Variants in IGSF21 observed in about 807,000 individuals in gnomAD.
IGSF21 encodes the protein immunoglobin superfamily member 21.
In IGSF21, 28 loss-of-function variants were observed where a neutral mutation model predicts 46.8. That is an observed-to-expected ratio of 0.60 (90% CI 0.44 to 0.82). The LOEUF is 0.82. IGSF21 is among the 40% of genes least tolerant of loss of function. The pLI is 0.00. For missense variants in IGSF21, 624 were observed against 665.5 expected (o/e 0.94, Z 0.69); for synonymous variants, 284 against 273.6 (o/e 1.04, Z -0.38).
intron 1 of IGSF21, among the ~76,000 whole-genome samples, chr1:18,180,521 G>A: frequency 6.6e-6 from 1 of 152,208 alleles, no homozygotes; most frequent in East Asian, 1.9e-4. Context: ...ATAAAACAAA[G>A]TGTAGACAGG....
At chr1:18,261,795 G>A (rs540120892) in intron 2 of IGSF21, among the ~76,000 whole-genome samples, 2 of 152,300 alleles carry the variant, frequency 1.3e-5, no homozygotes, top group East Asian at 3.9e-4. Context: ...CCTAGGCAGG[G>A]TTTCCCCTGA....
chr1:18,173,242 C>G (rs537377543), intron 1 of IGSF21, among the ~76,000 whole-genome samples: 17 of 152,228 alleles, frequency 1.1e-4, no homozygotes, highest in African/African-American at 3.9e-4. Flanking sequence ...GAGCTGAGAT[C>G]ACACCACTGC....
intron 2 of IGSF21, among the ~76,000 whole-genome samples, chr1:18,287,054 A>G (rs530443743): frequency 6.7e-6 from 1 of 150,028 alleles, no homozygotes; most frequent in African/African-American, 2.4e-5. Context: ...AGTGGCGGGC[A>G]CCTGTAGTCC....
At chr1:18,232,586 C>G (rs1183871243) in intron 2 of IGSF21, among the ~76,000 whole-genome samples, 1 of 152,148 alleles carries the variant, frequency 6.6e-6, no homozygotes, top group Non-Finnish European at 1.5e-5. Context: ...TGTTGCCTTC[C>G]CTGACTTCTC....
Position 18,185,030 on chromosome 1 carries a change from G to A in IGSF21, c.71-42868G>A, listed in dbSNP as rs144283912. On this transcript the variant is annotated intron_variant, in intron 1 of 9. Coordinates refer to ENST00000251296, the MANE Select transcript of IGSF21 (RefSeq NM_032880.5). Reference sequence around the variant, plus strand: ...GCTTCAAGTAGTATTTGGCACAATAGTATTTGGTCTTGATGAATGTTGGTT... The same window carrying A: ...GCTTCAAGTAGTATTTGGCACAATAATATTTGGTCTTGATGAATGTTGGTT... Among the ~76,000 whole-genome samples the A allele has an allele frequency of 1.1e-4, 16 of 152,336 alleles. No individual in the cohort carries two copies. The East Asian group carries it at 3.1e-3, about 29-fold the overall frequency.
intron 1 of IGSF21, among the ~76,000 whole-genome samples, chr1:18,152,239 C>G (rs2086527414): frequency 6.6e-6 from 1 of 152,196 alleles, no homozygotes; most frequent in Non-Finnish European, 1.5e-5. Context: ...AAGCAGATGT[C>G]AAATGAGAAA....
At chr1:18,108,497 C>A (rs1460232908) in intron 1 of IGSF21, among the ~76,000 whole-genome samples, 1 of 151,236 alleles carries the variant, frequency 6.6e-6, no homozygotes, top group Non-Finnish European at 1.5e-5. Context: ...TTTAGAGATG[C>A]AAGTGTGTGT....
At chr1:18,368,244 G>A (rs996857230) in intron 6 of IGSF21, among the ~76,000 whole-genome samples, 7 of 151,748 alleles carry the variant, frequency 4.6e-5, no homozygotes, top group African/African-American at 1.2e-4. Context: ...AGTGTCTCAC[G>A]CCTGTAATCC....
intron 1 of IGSF21, among the ~76,000 whole-genome samples, chr1:18,182,848 GA>G (rs879914467): frequency 2.9e-4 from 44 of 152,300 alleles, no homozygotes; most frequent in Middle Eastern, 6.8e-3. Flanking sequence ...ATTGCCTGTA[GA>G]TTCCATGTCT....
At chr1:18,178,421 A>G (rs891557943) in intron 1 of IGSF21, among the ~76,000 whole-genome samples, 1 of 152,060 alleles carries the variant, frequency 6.6e-6, no homozygotes, top group Non-Finnish European at 1.5e-5. Context: ...CATAATAACC[A>G]TGTGATATTG....
At chr1:18,291,710 G>A (rs1018293177) in intron 2 of IGSF21, among the ~76,000 whole-genome samples, 156 bp from the exon 3 acceptor site, 1 of 152,062 alleles carries the variant, frequency 6.6e-6, no homozygotes, top group East Asian at 1.9e-4. Context: ...TTAAAACATC[G>A]CTGCCTCCAG....
intron 1 of IGSF21, among the ~76,000 whole-genome samples, chr1:18,136,022 G>A (rs1367435585): frequency 6.6e-6 from 1 of 152,156 alleles, no homozygotes; most frequent in African/African-American, 2.4e-5. Context: ...GTGATGATGA[G>A]CATTTTTTCA....
At chr1:18,173,600 T>C (rs2086764080) in intron 1 of IGSF21, among the ~76,000 whole-genome samples, 1 of 152,234 alleles carries the variant, frequency 6.6e-6, no homozygotes, top group Non-Finnish European at 1.5e-5. Flanking sequence ...CTGGCTTTGT[T>C]CACTTGGCAT....
intron 2 of IGSF21, among the ~76,000 whole-genome samples, chr1:18,265,773 G>A (rs1312406643): frequency 2.6e-5 from 4 of 152,198 alleles, no homozygotes; most frequent in Admixed American, 6.5e-5. Context: ...CCACACAACC[G>A]GGATCTCAAA....
intron 1 of IGSF21, among the ~76,000 whole-genome samples, chr1:18,127,709 C>T (rs527586676): frequency 3.3e-5 from 5 of 152,232 alleles, no homozygotes; most frequent in Non-Finnish European, 7.4e-5. Flanking sequence ...TCAAGACCAG[C>T]CTGGGAAACA....
chr1:18,272,513 T>C (rs189284479), intron 2 of IGSF21, among the ~76,000 whole-genome samples: 131 of 152,358 alleles, frequency 8.6e-4, no homozygotes, highest in Non-Finnish European at 1.6e-3. Context: ...TGGCCTTAGA[T>C]GAGTTCTGAG....
In IGSF21 at chr1:18,218,872, C is replaced by T. The variant is rs1424454742; in HGVS notation, c.71-9026C>T. Among the ~76,000 whole-genome samples the T allele has an allele frequency of 2.6e-5, 4 of 151,958 alleles. No homozygotes were observed. The East Asian group carries it at 7.7e-4, about 29-fold the overall frequency. ...CAAATAATGAAATAGAAAGGCTCAG[C>T]AAAGACATAGAAGATATAAAGAAGA... On this transcript the variant is annotated intron_variant, in intron 1 of 9. Coordinates refer to ENST00000251296, the MANE Select transcript of IGSF21 (RefSeq NM_032880.5).
chr1:18,176,600 C>G (rs1342455621), intron 1 of IGSF21, among the ~76,000 whole-genome samples: 2 of 151,890 alleles, frequency 1.3e-5, no homozygotes, highest in South Asian at 2.1e-4. Context: ...CCTTTTCACA[C>G]TGATGTGCCG....
At chr1:18,158,578 G>A (rs1211007900) in intron 1 of IGSF21, among the ~76,000 whole-genome samples, 1 of 152,112 alleles carries the variant, frequency 6.6e-6, no homozygotes. Context: ...CATCCTTGCT[G>A]CCCTTGCCCA....
Sources: allele counts gnomAD v4.1 joint callset (sites outside exome capture counted in the v4.1 genomes callset), GRCh38; gene constraint gnomAD v4.1.1; transcripts MANE v1.5; gene names NCBI Gene and HGNC (gene_info 2026-07-23, HGNC 2026-07-21).